HECTD2: variants seen among roughly 807,000 people sequenced by gnomAD.
The protein encoded by HECTD2 is HECT domain E3 ubiquitin protein ligase 2.
In HECTD2, 35 loss-of-function variants were observed where a neutral mutation model predicts 103.2. That is an observed-to-expected ratio of 0.34 (90% CI 0.26 to 0.45). The LOEUF (loss-of-function observed/expected upper bound fraction) is 0.45. Among genes scored for constraint, HECTD2 ranks in the 20% least tolerant of loss-of-function variants. The probability of loss-of-function intolerance (pLI) is 1.00; values close to 1 mark genes in which losing one functional copy is unlikely to be tolerated. For synonymous variants in HECTD2, 281 were observed against 329.9 expected (o/e 0.85, Z 1.61); for missense variants, 596 against 937.4 (o/e 0.64, Z 4.76).
At chr10:91,504,299 G>A (rs1001073367) in intron 20 of HECTD2, among the ~76,000 whole-genome samples, 3 of 152,234 alleles carry the variant, frequency 2.0e-5, no homozygotes, top group African/African-American at 7.2e-5. Flanking sequence ...CAAGCTGAGA[G>A]AAGAAGGCTT....
intron 20 of HECTD2, among the ~76,000 whole-genome samples, chr10:91,511,070 A>G (rs764326398): frequency 1.8e-4 from 28 of 152,224 alleles, no homozygotes; most frequent in Non-Finnish European, 3.1e-4. Context: ...TGCTGATTCT[A>G]GTAGTTTTAA....
chr10:91,418,857 A>T (rs550849966), intron 1 of HECTD2, among the ~76,000 whole-genome samples: 1 of 152,284 alleles, frequency 6.6e-6, no homozygotes, highest in Admixed American at 6.5e-5. Context: ...TGAAACCTAT[A>T]AATATATGTT....
intron 20 of HECTD2, among the ~76,000 whole-genome samples, chr10:91,511,628 T>C (rs939877296): frequency 2.0e-5 from 3 of 152,162 alleles, no homozygotes; most frequent in East Asian, 1.9e-4. Context: ...GGCATTAGAT[T>C]CTCATAAGGG....
Position 91,496,506 on chromosome 10 carries a change from T to C in HECTD2, c.1680+134T>C, listed in dbSNP as rs1846670586. The C allele has an allele frequency of 9.7e-6, 6 of 619,714 alleles. No individual in the cohort carries two copies. The East Asian group carries it at 1.5e-4, about 16-fold the overall frequency. The allele number at this position is 619,714 out of a possible 1,614,324, so 38.4% of individuals were successfully genotyped here. A position where few individuals can be genotyped will look rare whatever the true frequency, so the allele number is the denominator to read the frequency against. ...CTACCTTTATAACTCATCTCCTTTT[T>C]TCATCTAGCTTTTTCTTTCCTTAGA... On this transcript the variant is annotated intron_variant, in intron 15 of 20. Transcript: ENST00000298068.
chr10:91,425,491 G>C, intron 2 of HECTD2, 81 bp downstream of exon 2: 1 of 1,016,438 alleles, frequency 9.8e-7, no homozygotes, highest in Non-Finnish European at 1.4e-6. Context: ...ATTCAGCATT[G>C]TTCTGATAGG....
At chr10:91,444,543 G>A (rs1025403964) in intron 2 of HECTD2, among the ~76,000 whole-genome samples, 4 of 152,192 alleles carry the variant, frequency 2.6e-5, no homozygotes, top group African/African-American at 9.6e-5. Flanking sequence ...GCTCAGATTA[G>A]TGAATGAAAA....
chr10:91,507,005 C>G (rs1434254600), intron 20 of HECTD2, among the ~76,000 whole-genome samples: 11 of 152,044 alleles, frequency 7.2e-5, no homozygotes, highest in African/African-American at 2.4e-4. Flanking sequence ...AGCATATAAA[C>G]AGAACCAAAG....
chr10:91,456,050 A>G (rs1845074169), intron 2 of HECTD2, among the ~76,000 whole-genome samples: 3 of 152,184 alleles, frequency 2.0e-5, no homozygotes, highest in Admixed American at 6.6e-5. Context: ...TGACTTAGCA[A>G]TGCGGGCTGT....
At chr10:91,506,644 C>A (rs1291821385) in intron 20 of HECTD2, among the ~76,000 whole-genome samples, 27 of 146,110 alleles carry the variant, frequency 1.8e-4, no homozygotes, top group Admixed American at 2.8e-4. Context: ...AGCTTACCAA[C>A]CAAAAAGAGT....
At chr10:91,495,822 A>C (rs546516644) in intron 14 of HECTD2, among the ~76,000 whole-genome samples, 1 of 152,278 alleles carries the variant, frequency 6.6e-6, no homozygotes, top group East Asian at 1.9e-4. Flanking sequence ...CTCCAAAATC[A>C]GTATTCTACA....
At chr10:91,467,542 A>C (rs917403018) in intron 5 of HECTD2, among the ~76,000 whole-genome samples, 2 of 152,042 alleles carry the variant, frequency 1.3e-5, no homozygotes, top group African/African-American at 4.8e-5. Context: ...ATGCCCAACC[A>C]AGGTACTTCC....
At chr10:91,437,855 T>C (rs1258886088) in intron 2 of HECTD2, among the ~76,000 whole-genome samples, 1 of 152,014 alleles carries the variant, frequency 6.6e-6, no homozygotes, top group African/African-American at 2.4e-5. Flanking sequence ...ATTTTGTTCT[T>C]GAATAGTTGT....
intron 18 of HECTD2, 127 bp from the exon 19 acceptor site, chr10:91,500,375 C>CA: frequency 6.2e-5 from 19 of 306,238 alleles, no homozygotes; most frequent in Non-Finnish European, 8.4e-5. Flanking sequence ...GATTTTTCTT[C>CA]AACAAAAATG....
intron 2 of HECTD2, among the ~76,000 whole-genome samples, chr10:91,432,488 C>G (rs1843928497): frequency 6.6e-6 from 1 of 151,878 alleles, no homozygotes; most frequent in Non-Finnish European, 1.5e-5. Context: ...GTGATGATAT[C>G]TCTTCAGAGA....
At chr10:91,416,430 A>G (rs932112169) in intron 1 of HECTD2, among the ~76,000 whole-genome samples, 1 of 152,222 alleles carries the variant, frequency 6.6e-6, no homozygotes, top group Non-Finnish European at 1.5e-5. Context: ...TTTTCTGTTT[A>G]GATATGTTTA....
At chr10:91,465,792 T>G (rs1429287325) in intron 5 of HECTD2, among the ~76,000 whole-genome samples, 1 of 152,144 alleles carries the variant, frequency 6.6e-6, no homozygotes, top group African/African-American at 2.4e-5. Context: ...CACACTTGGT[T>G]GTGTTGTATA....
intron 6 of HECTD2, among the ~76,000 whole-genome samples, chr10:91,479,609 GTTGT>G (rs1220953289): frequency 3.3e-5 from 5 of 152,098 alleles, no homozygotes; most frequent in African/African-American, 4.8e-5. Flanking sequence ...TCCAAGAATG[GTTGT>G]TTATGTGAAT....
Position 91,514,588 on chromosome 10 carries a change from A to C in HECTD2, c.*2204A>C, listed in dbSNP as rs1847542053. ...CTGCCACAGTAAATTAAAGCATTACACAGTATTTATCAGTATTTTTTAAAC... is the reference window on the plus strand; with the variant it reads ...CTGCCACAGTAAATTAAAGCATTACCCAGTATTTATCAGTATTTTTTAAAC... On this transcript the variant is annotated 3_prime_UTR_variant, in exon 21 of 21. Coordinates refer to ENST00000298068, the MANE Select transcript of HECTD2 (RefSeq NM_182765.6). 1.3e-5 allele frequency: 2 copies of C among 152,606 alleles called. No homozygotes were observed. The highest frequency in any genetic ancestry group is 4.8e-5 in the African/African-American group (2 of 41,460). The allele number at this position is 152,606 out of a possible 1,614,324, so 9.5% of individuals were successfully genotyped here.
intron 2 of HECTD2, among the ~76,000 whole-genome samples, chr10:91,443,896 C>G (rs1463100043): frequency 6.6e-6 from 1 of 152,148 alleles, no homozygotes; most frequent in Non-Finnish European, 1.5e-5. Flanking sequence ...CTAGTAATTT[C>G]TACTGCAAAC....
Sources: gnomAD v4.1 joint callset for allele counts (sites outside exome capture counted in the v4.1 genomes callset) on GRCh38, gnomAD v4.1.1 for gene constraint, MANE v1.5 for transcripts, NCBI Gene and HGNC (gene_info 2026-07-23, HGNC 2026-07-21) for gene names.